Variants in SPINK9 observed in about 807,000 individuals in gnomAD.
SPINK9 encodes the protein serine protease inhibitor Kazal-type 9.
SPINK9 carries 3 observed loss-of-function variants against 10.8 expected under a neutral mutation model. The ratio of observed to expected loss-of-function variants is 0.28; its 90% CI spans 0.13 to 0.72. The LOEUF is 0.72. Among genes scored for constraint, SPINK9 ranks in the 30% least tolerant of loss-of-function variants. The pLI, the probability that SPINK9 is intolerant of heterozygous loss-of-function variation, is 0.74. For synonymous variants in SPINK9, 30 were observed against 31.2 expected (o/e 0.96, Z 0.12); for missense variants, 101 against 103.2 (o/e 0.98, Z 0.09).
intron 2 of SPINK9, among the ~76,000 whole-genome samples, chr5:148,326,518 TTTA>T (rs1174915828): frequency 1.3e-5 from 2 of 152,066 alleles, no homozygotes; most frequent in African/African-American, 4.8e-5. Flanking sequence ...GGAATGAATT[TTTA>T]TTATTATTAT....
At chr5:148,322,174 G>A (rs1318524235) in intron 1 of SPINK9, among the ~76,000 whole-genome samples, 4 of 152,192 alleles carry the variant, frequency 2.6e-5, no homozygotes, top group African/African-American at 4.8e-5. Context: ...CTGTGTACAT[G>A]AAAGCTTGCA....
upstream of SPINK9, among the ~76,000 whole-genome samples, chr5:148,331,163 C>T (rs1049365797): frequency 6.6e-6 from 1 of 152,216 alleles, no homozygotes; most frequent in African/African-American, 2.4e-5. Flanking sequence ...CAGAAATCAC[C>T]CATCTTCTGT....
chr5:148,325,858 T>C (rs1402711690), intron 2 of SPINK9, among the ~76,000 whole-genome samples: 3 of 152,200 alleles, frequency 2.0e-5, no homozygotes, highest in Non-Finnish European at 4.4e-5. Context: ...ATTTCATTTT[T>C]AGATTTTACA....
At chr5:148,330,006 A>C (rs554848376) in intron 2 of SPINK9, among the ~76,000 whole-genome samples, 26 of 152,324 alleles carry the variant, frequency 1.7e-4, no homozygotes, top group African/African-American at 6.3e-4. Flanking sequence ...AGAGTTCTGT[A>C]GATGTCTATT....
chr5:148,336,459 T>G lies in SPINK9; in HGVS notation c.87+6T>G. 1 of 1,613,226 alleles carries G rather than the reference T, an allele frequency of 6.2e-7. No individual in the cohort carries two copies. Among genetic ancestry groups the G allele is most frequent in the Non-Finnish European group, 8.5e-7 (1 of 1,179,372 alleles). ...CCAAACAGACGAAACAGATGGTCAG[T>G]ACACCCATCCTACTTTTATGTAATT... On this transcript the variant is annotated splice_donor_region_variant and intron_variant, in intron 2 of 3. Transcript: ENST00000377906.
intron 1 of SPINK9, among the ~76,000 whole-genome samples, chr5:148,322,436 G>C (rs948331232): frequency 6.6e-6 from 1 of 152,146 alleles, no homozygotes; most frequent in African/African-American, 2.4e-5. Flanking sequence ...GAATGGAAGA[G>C]AGCCAGTCAA....
chr5:148,326,535 T>G (rs963648589), intron 2 of SPINK9, among the ~76,000 whole-genome samples: 2 of 152,236 alleles, frequency 1.3e-5, no homozygotes, highest in Middle Eastern at 3.4e-3. Context: ...TTATTATACT[T>G]TAAATTTTAG....
Position 148,339,832 on chromosome 5 carries a change from A to G in SPINK9, c.*120A>G. Reference sequence around the variant, plus strand: ...CACCATATGTAGATTTCTTTGTAGAATAAAGCAGATATAAGGGAAATAAAT... The same window carrying G: ...CACCATATGTAGATTTCTTTGTAGAGTAAAGCAGATATAAGGGAAATAAAT... On this transcript the variant is annotated 3_prime_UTR_variant, in exon 4 of 4. Transcript: ENST00000377906. 2 of 761,922 alleles carry G rather than the reference A, an allele frequency of 2.6e-6. No homozygotes were observed. The highest frequency in any genetic ancestry group is 4.2e-6 in the Non-Finnish European group (2 of 470,660). The allele number at this position is 761,922 out of a possible 1,614,324, so 47.2% of individuals were successfully genotyped here. A position where few individuals can be genotyped will look rare whatever the true frequency, so the allele number is the denominator to read the frequency against.
chr5:148,327,454 T>C (rs1194187090), intron 2 of SPINK9, among the ~76,000 whole-genome samples: 1 of 152,126 alleles, frequency 6.6e-6, no homozygotes, highest in Non-Finnish European at 1.5e-5. Flanking sequence ...ATTCTGTAGG[T>C]TGCCTGTTCA....
At chr5:148,335,182 AC>A (rs1438604980), upstream of SPINK9, among the ~76,000 whole-genome samples, 2 of 152,194 alleles carry the variant, frequency 1.3e-5, no homozygotes, top group Non-Finnish European at 2.9e-5. Flanking sequence ...CAAAATCAGC[AC>A]TTTTGTAGCC....
chr5:148,330,270 T>C (rs1473893991), intron 2 of SPINK9, among the ~76,000 whole-genome samples: 1 of 152,230 alleles, frequency 6.6e-6, no homozygotes, highest in South Asian at 2.1e-4. Context: ...TGGCCTTCTT[T>C]GTCTCTTTTG....
upstream of SPINK9, among the ~76,000 whole-genome samples, chr5:148,332,332 T>A (rs1757162145): frequency 6.6e-6 from 1 of 152,186 alleles, no homozygotes; most frequent in South Asian, 2.1e-4. Flanking sequence ...AAGTAAACCA[T>A]AAGGCTGTGC....
chr5:148,322,012 A>G (rs932229007), intron 1 of SPINK9, among the ~76,000 whole-genome samples: 6 of 152,114 alleles, frequency 3.9e-5, no homozygotes, highest in African/African-American at 1.4e-4. Context: ...TTGTTATTTC[A>G]TTTATTTCTC....
intron 1 of SPINK9, 139 bp downstream of exon 1, chr5:148,335,807 C>A: frequency 2.2e-6 from 2 of 924,120 alleles, no homozygotes; most frequent in Non-Finnish European, 3.3e-6. Flanking sequence ...TTGCCTCAAC[C>A]AACGAATTGC....
intron 1 of SPINK9, among the ~76,000 whole-genome samples, chr5:148,323,212 T>G (rs1757019052): frequency 6.6e-6 from 1 of 152,102 alleles, no homozygotes; most frequent in South Asian, 2.1e-4. Flanking sequence ...TGTCTAAAGA[T>G]GATGACATAG....
upstream of SPINK9, among the ~76,000 whole-genome samples, chr5:148,333,445 A>AT (rs1274897488): frequency 6.6e-6 from 1 of 152,252 alleles, no homozygotes; most frequent in Non-Finnish European, 1.5e-5. Flanking sequence ...GGGCTAGCCC[A>AT]TAGGCAGTGT....
At chr5:148,339,595 A>T in intron 3 of SPINK9, 72 bp from the exon 4 acceptor site, 1 of 1,327,084 alleles carries the variant, frequency 7.5e-7, no homozygotes, top group Non-Finnish European at 1.1e-6. Flanking sequence ...GGGATTCATT[A>T]GTGAAGTTTG....
intron 2 of SPINK9, among the ~76,000 whole-genome samples, chr5:148,329,580 T>A (rs1250738664): frequency 6.6e-6 from 1 of 152,242 alleles, no homozygotes; most frequent in Non-Finnish European, 1.5e-5. Context: ...CTTCTCTAGT[T>A]CTTTTAATTG....
At chr5:148,339,167 G>T (rs1757255996) in intron 3 of SPINK9, among the ~76,000 whole-genome samples, 1 of 151,910 alleles carries the variant, frequency 6.6e-6, no homozygotes, top group African/African-American at 2.4e-5. Context: ...AAATCAGGTA[G>T]CCAAAAGTAG....
Sources: gnomAD v4.1 joint callset for allele counts (sites outside exome capture counted in the v4.1 genomes callset) on GRCh38, gnomAD v4.1.1 for gene constraint, MANE v1.5 for transcripts, NCBI Gene and HGNC (gene_info 2026-07-23, HGNC 2026-07-21) for gene names.